The following IRF2 variants were observed in gnomAD, a reference collection of about 807,000 sequenced individuals.
IRF2 encodes interferon regulatory factor 2.
In IRF2, 15 loss-of-function variants were observed where a neutral mutation model predicts 40.6. The ratio of observed to expected loss-of-function variants is 0.37; its 90% CI spans 0.25 to 0.57. The LOEUF is 0.57. Ranked by LOEUF, IRF2 falls within the 20% of genes least tolerant of loss-of-function variation. IRF2 has a pLI of 0.77. For synonymous variants in IRF2, 151 were observed against 165.5 expected, an observed-to-expected ratio of 0.91 and a Z score of 0.67; for missense variants, 317 against 455.7, an observed-to-expected ratio of 0.70 and a Z score of 2.77.
rs978747235 is a variant in IRF2, at chr4:184,448,934, G to A, written c.-6-19864C>T. ...AACGTTTCCTCGACGTGTGCAAGAC[G>A]GAAGCCTGAACAACTGTCAGTTCCA... is the stretch of plus-strand genomic sequence containing the variant. On this transcript the variant is annotated intron_variant, in intron 1 of 8. Coordinates refer to ENST00000393593, the MANE Select transcript of IRF2 (RefSeq NM_002199.4). This position sits in a 1 kb window ranked among gnomAD's most constrained non-coding sequence, Gnocchi z 4.3. 6.6e-6 allele frequency: 1 copy of A among 152,212 alleles called. No homozygotes were observed. Among genetic ancestry groups the A allele is most frequent in the Non-Finnish European group, 1.5e-5 (1 of 68,060 alleles). The allele number at this position is 152,212 out of a possible 1,614,324, so 9.4% of individuals were successfully genotyped here.
At chr4:184,452,770 C>CAAAAAAAAAAAAAAAAAA (rs530415114) in intron 1 of IRF2, among the ~76,000 whole-genome samples, 25 of 53,824 alleles carry the variant, frequency 4.6e-4, no homozygotes, top group African/African-American at 1.3e-3. Flanking sequence ...GACCCTGTCT[C>CAAAAAAAAAAAAAAAAAA]AAAAAAAAAA....
At chr4:184,431,269 C>A (rs958583703) in intron 1 of IRF2, among the ~76,000 whole-genome samples, 1 of 152,202 alleles carries the variant, frequency 6.6e-6, no homozygotes, top group African/African-American at 2.4e-5. Context: ...TTGTTCCATT[C>A]ATTCATTTGT....
At chr4:184,389,374 C>T (rs375642068) in intron 8 of IRF2, among the ~76,000 whole-genome samples, 4 of 152,156 alleles carry the variant, frequency 2.6e-5, no homozygotes, top group African/African-American at 4.8e-5. Context: ...GCTATGATTG[C>T]GCCACTGCAC....
intron 1 of IRF2, among the ~76,000 whole-genome samples, chr4:184,445,662 A>AAC (rs1738478843): frequency 6.6e-6 from 1 of 151,666 alleles, no homozygotes; most frequent in South Asian, 2.1e-4. Context: ...CACAAAAAAA[A>AAC]AAAAAAGAAG....
intron 2 of IRF2, chr4:184,428,777 C>A: frequency 1.7e-6 from 1 of 591,672 alleles, no homozygotes; most frequent in Non-Finnish European, 3.2e-6. Context: ...CCAGCGTGGG[C>A]CATATAGTGA....
chr4:184,403,251 C>T (rs1332570640), intron 6 of IRF2, among the ~76,000 whole-genome samples: 3 of 152,198 alleles, frequency 2.0e-5, no homozygotes, highest in East Asian at 3.8e-4. Context: ...AACACTCTCA[C>T]TAACCAGTCT....
chr4:184,450,008 G>A (rs979083775), intron 1 of IRF2, among the ~76,000 whole-genome samples: 8 of 152,296 alleles, frequency 5.3e-5, no homozygotes, highest in East Asian at 1.9e-4. Flanking sequence ...CAGGCTCACC[G>A]TCTTCTATTC....
chr4:184,414,950 A>C (rs1259112103), intron 5 of IRF2, among the ~76,000 whole-genome samples: 1 of 152,238 alleles, frequency 6.6e-6, no homozygotes, highest in Non-Finnish European at 1.5e-5. Flanking sequence ...TGCACAGGAT[A>C]TATTAACTCA....
In IRF2 at chr4:184,408,501, G is replaced by C. The variant is rs183942514; in HGVS notation, c.412-226C>G. On this transcript the variant is annotated intron_variant, in intron 5 of 8. Coordinates refer to ENST00000393593, the MANE Select transcript of IRF2 (RefSeq NM_002199.4). This position sits in a 1 kb window ranked among gnomAD's most constrained non-coding sequence, Gnocchi z 4.9. ...CCTTCCATTTTCCTTCAAGGAAACG[G>C]TACCGGCCCATCTGGCTTGCCTTTA... Among the ~76,000 whole-genome samples the C allele has an allele frequency of 4.5e-3, 686 of 152,244 alleles. 2 individuals carry two copies. The highest frequency in any genetic ancestry group is 4.5e-3 in the Non-Finnish European group (307 of 68,022).
intron 1 of IRF2, chr4:184,472,050 G>C (rs747058857): frequency 1.3e-5 from 2 of 152,136 alleles, no homozygotes; most frequent in Non-Finnish European, 2.9e-5. Flanking sequence ...AGTTATAATC[G>C]TTCACTAATT....
intron 1 of IRF2, among the ~76,000 whole-genome samples, chr4:184,446,490 G>C (rs1165869952): frequency 6.6e-6 from 1 of 152,138 alleles, no homozygotes; most frequent in African/African-American, 2.4e-5. Flanking sequence ...GGCAACCGTG[G>C]GGACATAAGA....
Position 184,429,035 on chromosome 4 carries a change from C to A in IRF2, c.30G>T (p.Pro10=). 6.2e-7 allele frequency: 1 copy of A among 1,614,102 alleles called. No homozygotes were observed. Among genetic ancestry groups the A allele is most frequent in the Non-Finnish European group, 8.5e-7 (1 of 1,179,936 alleles). The change falls in exon 2 of 9, where the codon CCG becomes CCT. Residue 10 remains proline, a synonymous_variant. Coordinates refer to ENST00000393593, the MANE Select transcript of IRF2 (RefSeq NM_002199.4). ...TGGAGTTTATCTGCTCCTCCAGCCA[C>A]GGGCGCATGCGCATCCTTTCCACCG... MPVERMRMR[P]WLEEQINSNT...
chr4:184,459,149 A>G (rs576341478), intron 1 of IRF2, among the ~76,000 whole-genome samples: 1 of 152,268 alleles, frequency 6.6e-6, no homozygotes, highest in East Asian at 1.9e-4. Context: ...AGCCGCAATG[A>G]TAAATTCACT....
intron 2 of IRF2, among the ~76,000 whole-genome samples, chr4:184,422,971 T>C (rs2149901854): frequency 6.6e-6 from 1 of 152,314 alleles, no homozygotes; most frequent in East Asian, 1.9e-4. Flanking sequence ...TTTTTCATAC[T>C]TCAGGAAAAA....
intron 1 of IRF2, among the ~76,000 whole-genome samples, chr4:184,446,032 A>G (rs1029864793): frequency 6.6e-6 from 1 of 152,020 alleles, no homozygotes; most frequent in Non-Finnish European, 1.5e-5. Flanking sequence ...AGACAGAGGC[A>G]GGCATTAGAG....
At chr4:184,422,974 A>AG (rs1218638102) in intron 2 of IRF2, among the ~76,000 whole-genome samples, 1 of 152,238 alleles carries the variant, frequency 6.6e-6, no homozygotes, top group Non-Finnish European at 1.5e-5. Context: ...TTCATACTTC[A>AG]GGAAAAAAAA....
intron 1 of IRF2, among the ~76,000 whole-genome samples, chr4:184,461,135 G>A (rs980738045): frequency 6.6e-6 from 1 of 152,150 alleles, no homozygotes; most frequent in African/African-American, 2.4e-5. Context: ...ACAAGGGAAG[G>A]GTAAGTAGAG....
At chr4:184,466,581 G>A (rs146707950) in intron 1 of IRF2, among the ~76,000 whole-genome samples, 2 of 152,282 alleles carry the variant, frequency 1.3e-5, no homozygotes, top group African/African-American at 4.8e-5. Context: ...AGTACGGGGG[G>A]AGAAGGCCTA....
At chr4:184,418,751 A>T in intron 3 of IRF2, 43 bp from the exon 4 acceptor site, 2 of 1,538,214 alleles carry the variant, frequency 1.3e-6, no homozygotes, top group Non-Finnish European at 1.8e-6. Context: ...AGAAAACATT[A>T]GATACAGAGG....
Sources: allele counts gnomAD v4.1 joint callset (sites outside exome capture counted in the v4.1 genomes callset), GRCh38; gene constraint gnomAD v4.1.1; non-coding constraint Gnocchi (gnomAD v3.1); transcripts MANE v1.5; gene names NCBI Gene and HGNC (gene_info 2026-07-23, HGNC 2026-07-21).